The following MCTP1 variants were observed in gnomAD, a reference collection of about 807,000 sequenced individuals.
MCTP1 encodes multiple C2 and transmembrane domain containing 1.
A neutral mutation model predicts 120.6 loss-of-function variants in MCTP1; 69 were observed. The ratio of observed to expected loss-of-function variants is 0.57; its 90% CI spans 0.47 to 0.70. The LOEUF is 0.70. Among genes scored for constraint, MCTP1 ranks in the 30% least tolerant of loss-of-function variants. The pLI is 0.00. For missense variants in MCTP1, 1,203 were observed against 1,248.8 expected (o/e 0.96, Z 0.55); for synonymous variants, 529 against 493.1 (o/e 1.07, Z -0.96).
intron 19 of MCTP1, among the ~76,000 whole-genome samples, chr5:94,768,682 T>C (rs1773376341): frequency 6.6e-6 from 1 of 152,010 alleles, no homozygotes; most frequent in African/African-American, 2.4e-5. Context: ...AAAACTACAA[T>C]GAAATATCAT....
rs866994934 is a variant in MCTP1, at chr5:94,963,474, C to T, written c.839-10113G>A. Among the ~76,000 whole-genome samples, 721 of 141,846 alleles carry T rather than the reference C, an allele frequency of 5.1e-3. 6 individuals carry two copies. The Middle Eastern group carries it at 0.056, about 11-fold the overall frequency. 93.1% of individuals were successfully genotyped at this position (141,846 alleles called of 152,430 possible). ...CCAGATCCTGTCCAACACTTGTTTTCTTTTTTTTTTTTTAATAATAGCCAC... is the reference window on the plus strand; with the variant it reads ...CCAGATCCTGTCCAACACTTGTTTTTTTTTTTTTTTTTTAATAATAGCCAC... On this transcript the variant is annotated intron_variant, in intron 2 of 22. Transcript: ENST00000515393.
intron 19 of MCTP1, among the ~76,000 whole-genome samples, chr5:94,772,586 G>A (rs1774332316): frequency 6.6e-6 from 1 of 152,154 alleles, no homozygotes; most frequent in Non-Finnish European, 1.5e-5. Context: ...ATAGGTTCCA[G>A]GGATTAAGTC....
At chr5:95,195,964 G>A (rs1750344696) in intron 1 of MCTP1, among the ~76,000 whole-genome samples, 1 of 152,108 alleles carries the variant, frequency 6.6e-6, no homozygotes, top group Non-Finnish European at 1.5e-5. Flanking sequence ...GCATTCTGAA[G>A]ATGCTCAATT....
rs889928621 is a variant in MCTP1, at chr5:94,817,339, C to T, written c.2437-18207G>A. 7.9e-5 allele frequency among the ~76,000 whole-genome samples: 12 copies of T among 152,182 alleles called. 1 individual carries two copies. In the South Asian group the frequency reaches 1.7e-3, roughly 21 times the overall value. On this transcript the variant is annotated intron_variant, in intron 17 of 22. Transcript: ENST00000515393. ...ATGAGAATCGCTTGAACCCATGAGGCGGAGGTTGCAGTGAGCCGAGATCGC... is the reference window on the plus strand; with the variant it reads ...ATGAGAATCGCTTGAACCCATGAGGTGGAGGTTGCAGTGAGCCGAGATCGC...
At chr5:94,942,590 C>A (rs553969771) in intron 3 of MCTP1, among the ~76,000 whole-genome samples, 163 bp from the exon 4 acceptor site, 20 of 151,958 alleles carry the variant, frequency 1.3e-4, no homozygotes, top group Admixed American at 1.2e-3. Flanking sequence ...TAGAGTCTCA[C>A]GAAACACTTA....
At chr5:94,932,320 A>C (rs1814958231) in intron 5 of MCTP1, among the ~76,000 whole-genome samples, 1 of 149,912 alleles carries the variant, frequency 6.7e-6, no homozygotes, top group South Asian at 2.1e-4. Context: ...TTGGTGGTGG[A>C]GGTTGAGGTT....
intron 18 of MCTP1, chr5:94,784,904 A>C (rs1441163175): frequency 6.6e-6 from 1 of 152,084 alleles, no homozygotes; most frequent in Non-Finnish European, 1.5e-5. Flanking sequence ...TCCTTGGCTC[A>C]TTCTGGGAAG....
At chr5:95,240,147 A>G (rs1473568627) in intron 1 of MCTP1, among the ~76,000 whole-genome samples, 5 of 152,230 alleles carry the variant, frequency 3.3e-5, no homozygotes, top group Admixed American at 1.3e-4. Context: ...CATATAGTTA[A>G]CTAGCGAAAT....
intron 17 of MCTP1, among the ~76,000 whole-genome samples, chr5:94,866,540 T>G (rs1796845124): frequency 9.3e-6 from 1 of 107,284 alleles, no homozygotes; most frequent in Admixed American, 9.5e-5. Context: ...CTATGCCTGA[T>G]TCCCTCTTTT....
At chr5:95,248,820 T>C (rs1361549211) in intron 1 of MCTP1, among the ~76,000 whole-genome samples, 2 of 151,870 alleles carry the variant, frequency 1.3e-5, no homozygotes, top group African/African-American at 2.4e-5. Flanking sequence ...CCAAAACAGA[T>C]ATATAGACCA....
intron 1 of MCTP1, among the ~76,000 whole-genome samples, chr5:95,055,276 C>T (rs1023427899): frequency 6.6e-6 from 1 of 152,144 alleles, no homozygotes; most frequent in Non-Finnish European, 1.5e-5. Flanking sequence ...CTCTTCCGAG[C>T]TAATCAAGAT....
intron 1 of MCTP1, among the ~76,000 whole-genome samples, chr5:95,197,172 G>A (rs532909864): frequency 6.6e-6 from 1 of 151,854 alleles, no homozygotes; most frequent in Non-Finnish European, 1.5e-5. Context: ...TTATCTACAG[G>A]GCTACAGTTT....
chr5:95,084,018 G>A (rs1184530918), intron 1 of MCTP1, among the ~76,000 whole-genome samples: 1 of 152,062 alleles, frequency 6.6e-6, no homozygotes, highest in Non-Finnish European at 1.5e-5. Context: ...TCCCAGTTAT[G>A]AGTATATACA....
intron 19 of MCTP1, among the ~76,000 whole-genome samples, chr5:94,758,924 T>C (rs1438040241): frequency 6.6e-6 from 1 of 152,158 alleles, no homozygotes; most frequent in Non-Finnish European, 1.5e-5. Context: ...AAACAGATAT[T>C]AAGAAAATAT....
At chr5:95,100,732 T>G (rs935826499) in intron 1 of MCTP1, among the ~76,000 whole-genome samples, 10 of 152,228 alleles carry the variant, frequency 6.6e-5, no homozygotes, top group Non-Finnish European at 1.0e-4. Context: ...GATGTTGTAA[T>G]TTGATTGCTA....
intron 17 of MCTP1, among the ~76,000 whole-genome samples, chr5:94,825,518 T>A (rs1005717718): frequency 6.6e-6 from 1 of 152,150 alleles, no homozygotes. Flanking sequence ...TATATTCTGA[T>A]GATTTGGGGT....
At chr5:94,984,807 A>C (rs142476760) in intron 2 of MCTP1, among the ~76,000 whole-genome samples, 1 of 152,306 alleles carries the variant, frequency 6.6e-6, no homozygotes, top group African/African-American at 2.4e-5. Flanking sequence ...TAAATCACCT[A>C]AGAACACATT....
intron 3 of MCTP1, among the ~76,000 whole-genome samples, chr5:94,947,144 C>G (rs1819146407): frequency 6.6e-6 from 1 of 152,140 alleles, no homozygotes; most frequent in Non-Finnish European, 1.5e-5. Flanking sequence ...GAAAATAGCT[C>G]TATCTCCTCC....
chr5:94,995,306 G>C lies in MCTP1; in HGVS notation c.838+22061C>G, dbSNP rs1464249490. Among the ~76,000 whole-genome samples, 4 of 152,220 alleles carry C rather than the reference G, an allele frequency of 2.6e-5. No homozygotes were observed. The East Asian group carries it at 7.7e-4, about 29-fold the overall frequency. On this transcript the variant is annotated intron_variant, in intron 2 of 22. Coordinates refer to ENST00000515393, the MANE Select transcript of MCTP1 (RefSeq NM_024717.7). ...CAGAGTTTATGATTCAGTAGGTCTG[G>C]GATGGGGCCCAAGAATTCACAAGTG...
Sources: allele counts gnomAD v4.1 joint callset (sites outside exome capture counted in the v4.1 genomes callset), GRCh38; gene constraint gnomAD v4.1.1; transcripts MANE v1.5; gene names NCBI Gene and HGNC (gene_info 2026-07-23, HGNC 2026-07-21).